DST: variants seen among roughly 807,000 people sequenced by gnomAD.
DST encodes dystonin.
Under a neutral mutation model 875.2 loss-of-function variants are expected in DST, and 253 were observed. The observed-to-expected ratio is 0.29, with a 90% CI of 0.26 to 0.32. The LOEUF (loss-of-function observed/expected upper bound fraction) is 0.32. Among genes scored for constraint, DST ranks in the 10% least tolerant of loss-of-function variants. The probability of loss-of-function intolerance (pLI) is 1.00; values close to 1 mark genes in which losing one functional copy is unlikely to be tolerated. For missense variants in DST, 8,287 were observed against 9,111.6 expected (o/e 0.91, Z 3.68); for synonymous variants, 3,124 against 3,197.1 (o/e 0.98, Z 0.77).
rs1430937708 is a variant in DST at position 56,468,988 on chromosome 6, T to G, written c.22563A>C (p.Gly7521=). 3 of 1,579,576 alleles carry G rather than the reference T, an allele frequency of 1.9e-6. No individual in the cohort carries two copies. The highest frequency in any genetic ancestry group is 1.3e-5 in the African/African-American group (1 of 74,152). The change falls in exon 98 of 104, where the codon GGA becomes GGC. Residue 7521 remains glycine, a synonymous_variant. Transcript: ENST00000680361. ...ACATTCCACTGGTTTATACCTGATTTCCCAGGAAGAACTGATAAAAATGAA... is the reference window on the plus strand; with the variant it reads ...ACATTCCACTGGTTTATACCTGATTGCCCAGGAAGAACTGATAAAAATGAA... ...IGDNKYRFFL[G]NQFGDSQQLR... is the part of the protein sequence containing the mutation.
intron 76 of DST, 44 bp downstream of exon 76, chr6:56,506,623 T>G (rs750962824): frequency 1.9e-6 from 3 of 1,610,950 alleles, no homozygotes; most frequent in Non-Finnish European, 2.5e-6. Context: ...TTTAGTTAAC[T>G]AAAAACTTTT....
Position 56,645,885 on chromosome 6 carries a change from G to A in DST, c.1759C>T (p.Leu587Phe). The part of the protein sequence containing the change: ...IIAMLEREKA[L>F]RPEVERLEML... ...GCCTACCTTTCTACTTCTGGACGAA[G>A]GGCCTTCTCTCTCTCTAGCATGGCA... The change falls in exon 15 of 104, where the codon CTT (leucine) becomes TTT (phenylalanine). Residue 587 changes from leucine to phenylalanine, a missense_variant. Coordinates refer to ENST00000680361, the MANE Select transcript of DST (RefSeq NM_001374736.1). 2 of 1,613,680 alleles carry A rather than the reference G, an allele frequency of 1.2e-6. No individual in the cohort carries two copies.
chr6:56,741,952 GA>G (rs2099548355), intron 4 of DST, among the ~76,000 whole-genome samples: 1 of 152,056 alleles, frequency 6.6e-6, no homozygotes, highest in Non-Finnish European at 1.5e-5. Flanking sequence ...AATTGGGGGG[GA>G]ACAAATAAAT....
chr6:56,845,211 G>A (rs530603058), intron 4 of DST, among the ~76,000 whole-genome samples: 1 of 152,306 alleles, frequency 6.6e-6, no homozygotes, highest in South Asian at 2.1e-4. Flanking sequence ...TTCACGTCTT[G>A]TCTAAATCTT....
At chr6:56,676,282 G>T (rs893550013) in intron 9 of DST, among the ~76,000 whole-genome samples, 1 of 152,158 alleles carries the variant, frequency 6.6e-6, no homozygotes, top group African/African-American at 2.4e-5. Flanking sequence ...TGGCCAGGCT[G>T]GTCTTGAACT....
At chr6:56,480,768 T>G (rs549360981) in intron 90 of DST, among the ~76,000 whole-genome samples, 2 of 152,154 alleles carry the variant, frequency 1.3e-5, no homozygotes, top group Non-Finnish European at 2.9e-5. Context: ...CTGGTCCTGG[T>G]GTGAGAGTGG....
chr6:56,723,254 A>C (rs1207736969), intron 5 of DST, among the ~76,000 whole-genome samples: 1 of 152,202 alleles, frequency 6.6e-6, no homozygotes, highest in Non-Finnish European at 1.5e-5. Context: ...TAAATTAGAA[A>C]ATAATTGACC....
chr6:56,881,963 C>T (rs1782440715), intron 3 of DST, among the ~76,000 whole-genome samples: 1 of 152,170 alleles, frequency 6.6e-6, no homozygotes, highest in African/African-American at 2.4e-5. Flanking sequence ...TCAGACACCT[C>T]TCAGTTAAAA....
intron 69 of DST, among the ~76,000 whole-genome samples, chr6:56,518,886 A>G (rs533764858): frequency 6.6e-6 from 1 of 152,346 alleles, no homozygotes; most frequent in Non-Finnish European, 1.5e-5. Context: ...GGGGAGAAAG[A>G]TGGGTGGAGA....
At chr6:56,899,187 TGTTA>T (rs1232011360) in intron 3 of DST, among the ~76,000 whole-genome samples, 1 of 152,250 alleles carries the variant, frequency 6.6e-6, no homozygotes, top group African/African-American at 2.4e-5. Flanking sequence ...CCTCAGTAAC[TGTTA>T]GTTAACACAT....
chr6:56,811,819 G>T (rs1305297047), intron 4 of DST, among the ~76,000 whole-genome samples: 1 of 152,064 alleles, frequency 6.6e-6, no homozygotes, highest in Non-Finnish European at 1.5e-5. Flanking sequence ...AGCAGGCCAG[G>T]CACAGTGGTT....
At chr6:56,674,194 T>A (rs1025669015) in intron 9 of DST, among the ~76,000 whole-genome samples, 7 of 152,176 alleles carry the variant, frequency 4.6e-5, no homozygotes, top group Non-Finnish European at 8.8e-5. Flanking sequence ...GTAGTGATAA[T>A]CAGAGAGGGT....
rs772765423 is a variant in DST, at chr6:56,651,219, C to T, written c.1240G>A (p.Val414Ile). ...YRPDLIDMNT[V>I]AVQSNLANLE... The stretch of plus-strand genomic sequence containing the variant: ...TTTGCAAGGTTGCTTTGAACAGCAA[C>T]AGTATTCATATCTATCAGGTCCGGC... Residue 414 changes from valine (V) to isoleucine (I), a missense_variant, in exon 11 of 104, where the codon GTT becomes ATT. Coordinates refer to ENST00000680361, the MANE Select transcript of DST (RefSeq NM_001374736.1). The T allele has an allele frequency of 5.6e-6, 9 of 1,609,142 alleles. No individual in the cohort carries two copies. The highest frequency in any genetic ancestry group is 4.5e-5 in the East Asian group (2 of 44,786).
intron 4 of DST, among the ~76,000 whole-genome samples, chr6:56,809,386 G>A (rs2099757094): frequency 6.6e-6 from 1 of 152,082 alleles, no homozygotes; most frequent in African/African-American, 2.4e-5. Context: ...AGAGTCTCAG[G>A]GGTATACAAA....
Position 56,539,896 on chromosome 6 carries a change from G to A in DST, c.16609-2956C>T, listed in dbSNP as rs115054056. On this transcript the variant is annotated intron_variant, in intron 61 of 103. Coordinates refer to ENST00000680361, the MANE Select transcript of DST (RefSeq NM_001374736.1). ...ATACTGTTTGTACCTTCATGACTAA[G>A]CCTGTTCAAGCTTAATAAATCCAAT... 6.3e-3 allele frequency among the ~76,000 whole-genome samples: 957 copies of A among 152,258 alleles called. 6 individuals are homozygous for A. Among genetic ancestry groups the A allele is most frequent in the African/African-American group, 0.022 (921 of 41,544 alleles).
rs1160885507 is a variant in DST at position 56,759,494 on chromosome 6, C to T, written c.626-24205G>A. Among the ~76,000 whole-genome samples, 139 of 152,100 alleles carry T rather than the reference C, an allele frequency of 9.1e-4. 1 individual carries two copies. The highest frequency in any genetic ancestry group is 1.5e-4 in the Non-Finnish European group (10 of 68,004). On this transcript the variant is annotated intron_variant, in intron 4 of 103. Coordinates refer to ENST00000680361, the MANE Select transcript of DST (RefSeq NM_001374736.1). ...AATCAAAAACCACAAGTAGCAAAAA[C>T]GTCTATCTCAAGAAACTAATTTTAC...
chr6:56,559,817 T>G (rs190632035), intron 58 of DST, among the ~76,000 whole-genome samples: 1 of 152,164 alleles, frequency 6.6e-6, no homozygotes, highest in East Asian at 1.9e-4. Flanking sequence ...GGTAGGAGGA[T>G]AACTTTGGAT....
At chr6:56,661,650 C>CA (rs2099042993) in intron 10 of DST, among the ~76,000 whole-genome samples, 1 of 151,812 alleles carries the variant, frequency 6.6e-6, no homozygotes, top group Non-Finnish European at 1.5e-5. Flanking sequence ...GCAATGGTGC[C>CA]ATCTCAGCTC....
intron 4 of DST, among the ~76,000 whole-genome samples, chr6:56,744,426 T>C (rs1176486810): frequency 1.3e-5 from 2 of 150,696 alleles, no homozygotes; most frequent in Non-Finnish European, 2.9e-5. Context: ...GTAGAAATAA[T>C]ATGGAGGGAG....
Sources: gnomAD v4.1 joint callset for allele counts (sites outside exome capture counted in the v4.1 genomes callset) on GRCh38, gnomAD v4.1.1 for gene constraint, MANE v1.5 for transcripts, NCBI Gene and HGNC (gene_info 2026-07-23, HGNC 2026-07-21) for gene names.